The following SYNE2 variants were observed in gnomAD, a reference collection of about 807,000 sequenced individuals.
The protein encoded by SYNE2 is spectrin repeat containing nuclear envelope protein 2.
SYNE2 carries 431 observed loss-of-function variants against 856.3 expected under a neutral mutation model. That is an observed-to-expected ratio of 0.50 (90% CI 0.47 to 0.55). The LOEUF (loss-of-function observed/expected upper bound fraction) is 0.55, where lower values mean the gene tolerates loss of function less well. Ranked by LOEUF, SYNE2 falls within the 20% of genes least tolerant of loss-of-function variation. The pLI is 0.00. For synonymous variants in SYNE2, 2,923 were observed against 2,872.3 expected (o/e 1.02, Z -0.56); for missense variants, 8,129 against 8,023.2 (o/e 1.01, Z -0.50).
intron 19 of SYNE2, 49 bp downstream of exon 19, chr14:63,986,666 T>C (rs1196129695): frequency 6.3e-7 from 1 of 1,590,378 alleles, no homozygotes; most frequent in Non-Finnish European, 8.6e-7. Context: ...TGTGCATTTA[T>C]GTTTTAAGTT....
chr14:64,216,630 A>G (rs2098667843), intron 108 of SYNE2, among the ~76,000 whole-genome samples: 1 of 152,176 alleles, frequency 6.6e-6, no homozygotes, highest in African/African-American at 2.4e-5. Flanking sequence ...GTGTGGTGTA[A>G]CAGTCATTAT....
At chr14:64,057,774 C>T (rs1003408867) in intron 49 of SYNE2, among the ~76,000 whole-genome samples, 5 of 152,172 alleles carry the variant, frequency 3.3e-5, no homozygotes, top group Non-Finnish European at 7.3e-5. Flanking sequence ...ACATCCTTGC[C>T]AGCATTTATT....
intron 82 of SYNE2, among the ~76,000 whole-genome samples, chr14:64,143,346 A>C (rs1234797865): frequency 5.3e-5 from 8 of 152,196 alleles, no homozygotes; most frequent in Non-Finnish European, 2.9e-5. Flanking sequence ...CCTAAATGAC[A>C]GAGTTCCTTA....
chr14:63,878,190 C>T (rs944622909), intron 1 of SYNE2, among the ~76,000 whole-genome samples: 3 of 152,088 alleles, frequency 2.0e-5, no homozygotes, highest in African/African-American at 7.2e-5. Flanking sequence ...CCCAGCCTAA[C>T]ATGGTGTTCT....
At chr14:63,824,336 AT>A (rs1436506699) in intron 1 of SYNE2, among the ~76,000 whole-genome samples, 1 of 152,010 alleles carries the variant, frequency 6.6e-6, no homozygotes, top group African/African-American at 2.4e-5. Context: ...ACACAGTGAG[AT>A]TTTAAAAAAT....
At chr14:64,053,695 G>A (rs560845684) in intron 48 of SYNE2, 38 bp downstream of exon 48, 31 of 1,597,406 alleles carry the variant, frequency 1.9e-5, no homozygotes, top group African/African-American at 6.7e-5. Context: ...GGCTGGGTGC[G>A]GGGGCTCACG....
intron 1 of SYNE2, among the ~76,000 whole-genome samples, chr14:63,801,457 A>T (rs1429732832): frequency 6.6e-6 from 1 of 152,230 alleles, no homozygotes; most frequent in Admixed American, 6.5e-5. Flanking sequence ...AGATCACCTG[A>T]GGTCGGGAGT....
chr14:63,770,474 T>C (rs1032712972), intron 1 of SYNE2, among the ~76,000 whole-genome samples: 1 of 152,148 alleles, frequency 6.6e-6, no homozygotes, highest in Non-Finnish European at 1.5e-5. Context: ...TTGAATAGTT[T>C]TTTAGCTAAC....
intron 85 of SYNE2, among the ~76,000 whole-genome samples, chr14:64,155,889 G>C (rs1364303238): frequency 1.3e-5 from 2 of 152,202 alleles, no homozygotes; most frequent in Non-Finnish European, 2.9e-5. Context: ...TAGTGTTTAA[G>C]AGCAAGGGCT....
At chr14:63,999,187 A>C (rs1594768805) in intron 27 of SYNE2, 147 bp downstream of exon 27, 1 of 826,368 alleles carries the variant, frequency 1.2e-6, no homozygotes, top group East Asian at 2.7e-5. Context: ...TTCTAGTGTC[A>C]CCCTAGTCCA....
intron 1 of SYNE2, among the ~76,000 whole-genome samples, chr14:63,883,630 A>G (rs1043005059): frequency 2.6e-5 from 4 of 152,232 alleles, no homozygotes; most frequent in African/African-American, 4.8e-5. Flanking sequence ...TGCTGAGATT[A>G]CAGGCGTGCG....
chr14:64,200,571 G>T (rs1028117712), intron 99 of SYNE2, among the ~76,000 whole-genome samples: 10 of 152,228 alleles, frequency 6.6e-5, no homozygotes, highest in African/African-American at 2.2e-4. Context: ...ATGAAGGCAG[G>T]ATCTAGGTTA....
chr14:63,864,746 G>C (rs1002601957), intron 1 of SYNE2, among the ~76,000 whole-genome samples: 1 of 152,074 alleles, frequency 6.6e-6, no homozygotes, highest in Non-Finnish European at 1.5e-5. Flanking sequence ...CTGGGAGTGG[G>C]GGTAAAAAAG....
intron 68 of SYNE2, 83 bp from the exon 69 acceptor site, chr14:64,121,929 A>G: frequency 1.9e-6 from 3 of 1,563,272 alleles, no homozygotes; most frequent in Non-Finnish European, 2.6e-6. Flanking sequence ...GCTCAAAATT[A>G]GATTTATCTC....
chr14:63,866,110 T>G (rs1895252969), intron 1 of SYNE2, among the ~76,000 whole-genome samples: 2 of 152,168 alleles, frequency 1.3e-5, no homozygotes, highest in African/African-American at 4.8e-5. Flanking sequence ...ATACATATAA[T>G]ATGTTCTCAA....
chr14:64,138,933 TGTGTGTATGTATG>T (rs1317293066), intron 79 of SYNE2, among the ~76,000 whole-genome samples: 17 of 144,992 alleles, frequency 1.2e-4, no homozygotes, highest in African/African-American at 4.7e-4. Context: ...TGTGTGTGTG[TGTGTGTATGTATG>T]GTGTGTGTGT....
chr14:63,859,497 G>A (rs1465565309), intron 1 of SYNE2, among the ~76,000 whole-genome samples: 2 of 151,878 alleles, frequency 1.3e-5, no homozygotes, highest in Non-Finnish European at 1.5e-5. Context: ...TTGATATGGT[G>A]TGATTTTATT....
intron 99 of SYNE2, among the ~76,000 whole-genome samples, chr14:64,196,372 A>G (rs1221686950): frequency 6.6e-6 from 1 of 152,212 alleles, no homozygotes; most frequent in Non-Finnish European, 1.5e-5. Flanking sequence ...GAATTTTCAG[A>G]CACATTATGG....
At chr14:64,178,852 C>G (rs1215152738) in intron 96 of SYNE2, among the ~76,000 whole-genome samples, 4 of 152,164 alleles carry the variant, frequency 2.6e-5, no homozygotes, top group Admixed American at 2.6e-4. Context: ...GGGAGGATCC[C>G]TTGAGTCCAG....
Sources: gnomAD v4.1 joint callset for allele counts (sites outside exome capture counted in the v4.1 genomes callset) on GRCh38, gnomAD v4.1.1 for gene constraint, MANE v1.5 for transcripts, NCBI Gene and HGNC (gene_info 2026-07-23, HGNC 2026-07-21) for gene names.